COQ8A: variants seen among roughly 807,000 people sequenced by gnomAD.
The protein encoded by COQ8A is atypical kinase COQ8A, mitochondrial.
A neutral mutation model predicts 65.0 loss-of-function variants in COQ8A; 51 were observed. That is an observed-to-expected ratio of 0.78 (90% CI 0.63 to 0.99). COQ8A has a LOEUF of 0.99. Ranked by LOEUF, COQ8A falls within the 50% of genes least tolerant of loss-of-function variation. COQ8A has a pLI of 0.00. For synonymous variants in COQ8A, 371 were observed against 353.2 expected (o/e 1.05, Z -0.57); for missense variants, 940 against 875.0 (o/e 1.07, Z -0.94).
intron 1 of COQ8A, among the ~76,000 whole-genome samples, chr1:226,952,237 A>C (rs1361430708): frequency 2.6e-5 from 4 of 152,146 alleles, no homozygotes; most frequent in Non-Finnish European, 5.9e-5. Context: ...TTGTCTTCTG[A>C]TGAAGGACAG....
chr1:226,983,932 C>T, intron 10 of COQ8A, 78 bp downstream of exon 10: 7 of 1,558,548 alleles, frequency 4.5e-6, no homozygotes, highest in South Asian at 2.3e-5. Context: ...TGGTGAAGGC[C>T]CCTCCAGCTC....
chr1:226,956,243 C>A (rs1443299640), intron 1 of COQ8A, among the ~76,000 whole-genome samples: 1 of 106,784 alleles, frequency 9.4e-6, no homozygotes, highest in Admixed American at 8.1e-5. Context: ...TTCACACTCT[C>A]CCTGGCTCCC....
intron 4 of COQ8A, among the ~76,000 whole-genome samples, chr1:226,967,402 G>A (rs1658632738): frequency 6.6e-6 from 1 of 152,152 alleles, no homozygotes; most frequent in African/African-American, 2.4e-5. Flanking sequence ...TGAGTTTGAC[G>A]TGTTTCAGGA....
At chr1:226,950,741 CAGTGCCT>C (rs1345596233) in intron 1 of COQ8A, among the ~76,000 whole-genome samples, 5 of 137,856 alleles carry the variant, frequency 3.6e-5, no homozygotes, top group Non-Finnish European at 7.7e-5. Flanking sequence ...GGGAGAATGT[CAGTGCCT>C]AGTTGCTTGC....
chr1:226,944,730 AG>A (rs1656907105), intron 1 of COQ8A, among the ~76,000 whole-genome samples: 1 of 31,192 alleles, frequency 3.2e-5, no homozygotes, highest in South Asian at 1.9e-3. Context: ...AGAGAGAGAG[AG>A]AGAGAGAGAG....
rs189099511 is a variant in COQ8A, at chr1:226,944,147, G to A, written c.-10+3748G>A. 2.0e-5 allele frequency among the ~76,000 whole-genome samples: 3 copies of A among 152,178 alleles called. No individual in the cohort carries two copies. In the East Asian group the frequency reaches 5.8e-4, roughly 29 times the overall value. Reference sequence around the variant, plus strand: ...GGAGGAGGGAGGGCTTCTGGGAAGAGTGTGGGGCCAGCAGGGAACACTGTG... The same window carrying A: ...GGAGGAGGGAGGGCTTCTGGGAAGAATGTGGGGCCAGCAGGGAACACTGTG... On this transcript the variant is annotated intron_variant, in intron 1 of 14. Coordinates refer to ENST00000366777, the MANE Select transcript of COQ8A (RefSeq NM_020247.5).
rs901086534 is a variant in COQ8A at position 226,978,663 on chromosome 1, T to C, written c.730+1140T>C. On this transcript the variant is annotated intron_variant, in intron 5 of 14. Transcript: ENST00000366777. ...CCCACCTCCTTACCCTCCACACACC[T>C]GCCCACCTCCTTACACACCCTCCAC... Among the ~76,000 whole-genome samples, 7 of 67,282 alleles carry C rather than the reference T, an allele frequency of 1.0e-4. 1 individual carries two copies. The East Asian group carries it at 1.0e-3, about 10-fold the overall frequency. The allele number at this position is 67,282 out of a possible 152,430, so 44.1% of individuals were successfully genotyped here.
intron 4 of COQ8A, among the ~76,000 whole-genome samples, chr1:226,967,655 A>C (rs1413386421): frequency 6.6e-6 from 1 of 152,068 alleles, no homozygotes; most frequent in East Asian, 1.9e-4. Context: ...AAAGGTAGAG[A>C]GCTCTCCTCA....
intron 2 of COQ8A, among the ~76,000 whole-genome samples, chr1:226,964,080 A>G (rs920009793): frequency 7.2e-5 from 11 of 151,974 alleles, no homozygotes; most frequent in African/African-American, 2.7e-4. Context: ...CCTCCCTCCC[A>G]TCCTGTGACA....
At chr1:226,940,451 G>C (rs1177669486) in intron 1 of COQ8A, 52 bp downstream of exon 1, 1 of 152,268 alleles carries the variant, frequency 6.6e-6, no homozygotes, top group Admixed American at 6.5e-5. Context: ...GTCTGGCTGC[G>C]GCCAGAGCTG....
rs925394596 is a variant in COQ8A, at chr1:226,946,307, C to G, written c.-10+5908C>G. 6.6e-6 allele frequency among the ~76,000 whole-genome samples: 1 copy of G among 152,164 alleles called. No homozygotes were observed. Among genetic ancestry groups the G allele is most frequent in the East Asian group, 1.9e-4 (1 of 5,190 alleles). ...CTTGCCTATGGAGGGGTTTACCAGTCCAGCAGGGTGGCCAAGATTCCAGCA... is the reference window on the plus strand; with the variant it reads ...CTTGCCTATGGAGGGGTTTACCAGTGCAGCAGGGTGGCCAAGATTCCAGCA... On this transcript the variant is annotated intron_variant, in intron 1 of 14. Coordinates refer to ENST00000366777, the MANE Select transcript of COQ8A (RefSeq NM_020247.5). This position sits in a 1 kb window ranked among gnomAD's most constrained non-coding sequence, Gnocchi z 5.3.
chr1:226,985,753 C>T (rs1300733348), intron 14 of COQ8A, among the ~76,000 whole-genome samples: 1 of 152,224 alleles, frequency 6.6e-6, no homozygotes, highest in African/African-American at 2.4e-5. Context: ...CTGAAGCCAC[C>T]CACAAAGTGG....
At chr1:226,982,550 T>G in intron 6 of COQ8A, 128 bp from the exon 7 acceptor site, 1 of 1,032,876 alleles carries the variant, frequency 9.7e-7, no homozygotes, top group Non-Finnish European at 1.5e-6. Flanking sequence ...CTCCTGTCTT[T>G]CTGGCCTCAC....
In COQ8A at chr1:226,983,024, T is replaced by C. The variant is rs1221027772; in HGVS notation, c.1070T>C (p.Met357Thr). ...ATGAAGGGCGGCCGCGAGGTGGCCA[T>C]GAAGATCCAGGTAGGCGGCCTGATG... ...ARMKGGREVA[M>T]KIQYPGVAQS... The change falls in exon 8 of 15, where the codon ATG (methionine) becomes ACG (threonine). Residue 357 changes from methionine to threonine, a missense_variant. By Grantham distance (81) the Met-to-Thr change is moderately conservative. Coordinates refer to ENST00000366777, the MANE Select transcript of COQ8A (RefSeq NM_020247.5). 1.3e-6 allele frequency: 2 copies of C among 1,589,102 alleles called. No homozygotes were observed. The highest frequency in any genetic ancestry group is 2.0e-4 in the Middle Eastern group (1 of 5,126).
chr1:226,957,290 C>G lies in COQ8A; in HGVS notation c.-9-4087C>G, dbSNP rs1038747895. ...GATTCACACTCTCCCTGCCCCCCCC[C>G]CCCCACCTCCCTGGTTCACACTTTG... is the stretch of plus-strand genomic sequence containing the variant. On this transcript the variant is annotated intron_variant, in intron 1 of 14. Transcript: ENST00000366777. Among the ~76,000 whole-genome samples the G allele has an allele frequency of 3.6e-5, 5 of 137,718 alleles. 2 individuals are homozygous for G. The highest frequency in any genetic ancestry group is 6.5e-5 in the Non-Finnish European group (4 of 61,280). The allele number at this position is 137,718 out of a possible 152,430, so 90.3% of individuals were successfully genotyped here. A position where few individuals can be genotyped will look rare whatever the true frequency, so the allele number is the denominator to read the frequency against.
chr1:226,945,232 G>A (rs1009573954), intron 1 of COQ8A, among the ~76,000 whole-genome samples: 8 of 152,136 alleles, frequency 5.3e-5, no homozygotes, highest in African/African-American at 1.9e-4. Flanking sequence ...GAGGAGAAGC[G>A]GTGTGCCTGA....
intron 5 of COQ8A, among the ~76,000 whole-genome samples, chr1:226,980,209 G>A (rs973503238): frequency 1.3e-5 from 2 of 152,228 alleles, no homozygotes; most frequent in African/African-American, 4.8e-5. Flanking sequence ...TGAGCTGGGG[G>A]CACACTGCCG....
intron 4 of COQ8A, among the ~76,000 whole-genome samples, chr1:226,971,026 T>C (rs1658877954): frequency 6.6e-6 from 1 of 151,984 alleles, no homozygotes; most frequent in African/African-American, 2.4e-5. Flanking sequence ...CTGCAACCTC[T>C]GCCTCCCGGG....
intron 4 of COQ8A, among the ~76,000 whole-genome samples, chr1:226,974,179 G>A (rs1211856807): frequency 6.6e-6 from 1 of 152,210 alleles, no homozygotes; most frequent in African/African-American, 2.4e-5. Flanking sequence ...CCTTGTGGGG[G>A]ACTGGGCTCC....
Sources: gnomAD v4.1 joint callset for allele counts (sites outside exome capture counted in the v4.1 genomes callset) on GRCh38, gnomAD v4.1.1 for gene constraint, Gnocchi (gnomAD v3.1) non-coding constraint, MANE v1.5 for transcripts, NCBI Gene and HGNC (gene_info 2026-07-23, HGNC 2026-07-21) for gene names.